The following LRMDA variants were observed in gnomAD, a reference collection of about 807,000 sequenced individuals.
LRMDA encodes the protein leucine rich melanocyte differentiation associated.
In LRMDA, 18 loss-of-function variants were observed where a neutral mutation model predicts 29.8. That is an observed-to-expected ratio of 0.60 (90% CI 0.42 to 0.90). The LOEUF (loss-of-function observed/expected upper bound fraction) is 0.90. Among genes scored for constraint, LRMDA ranks in the 40% least tolerant of loss-of-function variants. LRMDA has a pLI of 0.00. For synonymous variants in LRMDA, 125 were observed against 109.4 expected, an observed-to-expected ratio of 1.14 and a Z score of -0.89; for missense variants, 273 against 273.9, an observed-to-expected ratio of 1.00 and a Z score of 0.02.
intron 2 of LRMDA, among the ~76,000 whole-genome samples, chr10:75,934,793 A>C (rs982617173): frequency 1.3e-5 from 2 of 152,232 alleles, no homozygotes; most frequent in African/African-American, 4.8e-5. Context: ...ACCTGGAGGC[A>C]GTGTGAATGC....
At chr10:76,479,052 A>G (rs1842709445) in intron 6 of LRMDA, among the ~76,000 whole-genome samples, 1 of 151,588 alleles carries the variant, frequency 6.6e-6, no homozygotes, top group Non-Finnish European at 1.5e-5. Context: ...TATAATAAAA[A>G]TATATATATA....
chr10:76,558,274 A>AAATT lies in LRMDA; in HGVS notation c.*989_*992dup, dbSNP rs1480381295. 6.6e-6 allele frequency: 1 copy of AAATT among 152,194 alleles called. No homozygotes were observed. The highest frequency in any genetic ancestry group is 1.5e-5 in the Non-Finnish European group (1 of 68,040). 9.4% of individuals were successfully genotyped at this position (152,194 alleles called of 1,614,324 possible). On this transcript the variant is annotated 3_prime_UTR_variant, in exon 7 of 7. Transcript: ENST00000611255. ...TGAAGGGTCAGGAGGTTAAAAAACA[A>AAATT]AATTAAGACTGTTGAAAACACCCAC...
At chr10:76,519,096 G>A (rs1843093278) in intron 6 of LRMDA, among the ~76,000 whole-genome samples, 1 of 152,102 alleles carries the variant, frequency 6.6e-6, no homozygotes, top group South Asian at 2.1e-4. Flanking sequence ...ATTGCTGGAG[G>A]AAAGGAGTTC....
intron 2 of LRMDA, among the ~76,000 whole-genome samples, chr10:75,467,729 G>A (rs771919156): frequency 1.3e-5 from 2 of 152,080 alleles, no homozygotes; most frequent in Non-Finnish European, 2.9e-5. Flanking sequence ...TTGGGAGGCC[G>A]AGGTGGGCAG....
intron 5 of LRMDA, among the ~76,000 whole-genome samples, chr10:76,145,786 G>C (rs1410138555): frequency 6.6e-6 from 1 of 152,004 alleles, no homozygotes; most frequent in East Asian, 1.9e-4. Flanking sequence ...TGATGTTAGG[G>C]TGTCACTTTT....
At chr10:76,156,261 G>A (rs1850536296) in intron 5 of LRMDA, among the ~76,000 whole-genome samples, 1 of 152,132 alleles carries the variant, frequency 6.6e-6, no homozygotes, top group African/African-American at 2.4e-5. Flanking sequence ...CAAAAACCCT[G>A]GAGGACTTCT....
intron 2 of LRMDA, chr10:75,743,752 T>A (rs1408959583): frequency 6.6e-6 from 1 of 152,206 alleles, no homozygotes. Context: ...TGAGCAAGCA[T>A]GGCGATGGTA....
At chr10:76,126,387 T>A (rs561208175) in intron 5 of LRMDA, among the ~76,000 whole-genome samples, 1 of 152,340 alleles carries the variant, frequency 6.6e-6, no homozygotes, top group East Asian at 1.9e-4. Flanking sequence ...TTCTGTTTGT[T>A]TTTTCATGAA....
chr10:76,007,967 A>T (rs1203223503), intron 2 of LRMDA, among the ~76,000 whole-genome samples: 1 of 152,186 alleles, frequency 6.6e-6, no homozygotes, highest in Non-Finnish European at 1.5e-5. Flanking sequence ...GTCAGAGATG[A>T]TGAGTGTTCC....
intron 6 of LRMDA, among the ~76,000 whole-genome samples, chr10:76,449,227 T>C (rs1315482486): frequency 6.6e-6 from 1 of 151,838 alleles, no homozygotes; most frequent in Non-Finnish European, 1.5e-5. Context: ...TCATTCCTTT[T>C]AATATTTGTT....
intron 5 of LRMDA, among the ~76,000 whole-genome samples, chr10:76,135,110 T>C (rs1436125482): frequency 6.6e-6 from 1 of 152,246 alleles, no homozygotes; most frequent in Admixed American, 6.5e-5. Flanking sequence ...CATCATGATA[T>C]CAAATGTTTT....
chr10:76,513,682 C>A (rs1843031397), intron 6 of LRMDA, among the ~76,000 whole-genome samples: 1 of 152,210 alleles, frequency 6.6e-6, no homozygotes, highest in Non-Finnish European at 1.5e-5. Flanking sequence ...CTGTTAGTGT[C>A]CTCTGGCCCT....
chr10:75,505,803 A>G (rs1197913262), intron 2 of LRMDA, among the ~76,000 whole-genome samples: 1 of 152,116 alleles, frequency 6.6e-6, no homozygotes, highest in Non-Finnish European at 1.5e-5. Flanking sequence ...CTGTCACCAC[A>G]TGGTGTAATG....
intron 2 of LRMDA, among the ~76,000 whole-genome samples, chr10:75,899,769 G>A (rs1445541700): frequency 6.6e-6 from 1 of 152,166 alleles, no homozygotes; most frequent in African/African-American, 2.4e-5. Flanking sequence ...TACTAGTTCT[G>A]CAGGGATGAG....
chr10:75,865,586 C>T (rs1845005286), intron 2 of LRMDA, among the ~76,000 whole-genome samples: 1 of 152,166 alleles, frequency 6.6e-6, no homozygotes, highest in Non-Finnish European at 1.5e-5. Flanking sequence ...CATACCAGTT[C>T]TTCTGAATCA....
intron 5 of LRMDA, among the ~76,000 whole-genome samples, chr10:76,232,288 T>A (rs1417272808): frequency 6.6e-6 from 1 of 152,076 alleles, no homozygotes; most frequent in Non-Finnish European, 1.5e-5. Flanking sequence ...GGAGTGAAAA[T>A]TTTCCCTCTG....
intron 2 of LRMDA, among the ~76,000 whole-genome samples, chr10:75,605,919 G>A (rs572443599): frequency 9.2e-5 from 14 of 152,220 alleles, no homozygotes; most frequent in East Asian, 3.9e-4. Context: ...GTGCAGTGGC[G>A]CAATCATGGC....
At chr10:75,626,320 C>T (rs139854075) in intron 2 of LRMDA, among the ~76,000 whole-genome samples, 1 of 152,272 alleles carries the variant, frequency 6.6e-6, no homozygotes, top group African/African-American at 2.4e-5. Flanking sequence ...AATCCTTTGA[C>T]AAGCTAGAGG....
chr10:75,956,492 C>T (rs1444857254), intron 2 of LRMDA, among the ~76,000 whole-genome samples: 1 of 152,144 alleles, frequency 6.6e-6, no homozygotes, highest in Non-Finnish European at 1.5e-5. Flanking sequence ...TGGGCTTAAA[C>T]ACCTCTGAAA....
Sources: gnomAD v4.1 joint callset for allele counts (sites outside exome capture counted in the v4.1 genomes callset) on GRCh38, gnomAD v4.1.1 for gene constraint, MANE v1.5 for transcripts, NCBI Gene and HGNC (gene_info 2026-07-23, HGNC 2026-07-21) for gene names.